Variants in DPP6 observed in about 807,000 individuals in gnomAD.
DPP6 encodes A-type potassium channel modulatory protein DPP6.
DPP6 carries 69 observed loss-of-function variants against 122.6 expected under a neutral mutation model. The observed-to-expected ratio is 0.56, with a 90% CI of 0.46 to 0.69. The LOEUF (loss-of-function observed/expected upper bound fraction) is 0.69. DPP6 is among the 30% of genes least tolerant of loss of function. The pLI is 0.00. For synonymous variants in DPP6, 418 were observed against 433.1 expected (o/e 0.97, Z 0.43); for missense variants, 928 against 1,116.9 (o/e 0.83, Z 2.41).
At chr7:153,782,011 C>CACACACACA in the DPP6 span, among the ~76,000 whole-genome samples, 2 of 129,556 alleles carry the variant, frequency 1.5e-5, no homozygotes, top group Non-Finnish European at 1.7e-5. Context: ...CACACACACG[C>CACACACACA]CTGACATTTA....
the DPP6 span, among the ~76,000 whole-genome samples, chr7:153,827,911 G>A: frequency 2.0e-5 from 3 of 152,304 alleles, no homozygotes; most frequent in South Asian, 2.1e-4. Flanking sequence ...CTCCACTGGG[G>A]GTTGTCCAAG....
chr7:154,299,839 T>C (rs1219116099), intron 1 of DPP6, among the ~76,000 whole-genome samples: 4 of 152,204 alleles, frequency 2.6e-5, no homozygotes, highest in African/African-American at 9.6e-5. Context: ...GATTGTCTAC[T>C]TAGGGCAAGG....
intron 8 of DPP6, among the ~76,000 whole-genome samples, chr7:154,764,430 G>T (rs1795777369): frequency 6.6e-6 from 1 of 152,148 alleles, no homozygotes; most frequent in African/African-American, 2.4e-5. Context: ...CGGAAGACAG[G>T]TGTCACTCAT....
chr7:154,527,996 A>C (rs1242739016), intron 3 of DPP6, among the ~76,000 whole-genome samples: 2 of 152,160 alleles, frequency 1.3e-5, no homozygotes, highest in Non-Finnish European at 2.9e-5. Flanking sequence ...GTTTGAAAAA[A>C]AAAACAAAAA....
chr7:154,438,304 A>G (rs1456402381), intron 1 of DPP6, among the ~76,000 whole-genome samples: 4 of 146,548 alleles, frequency 2.7e-5, no homozygotes, highest in Admixed American at 1.4e-4. Context: ...CGTCTCGACT[A>G]AAAAAATACA....
At chr7:154,391,935 G>A (rs958447260) in intron 1 of DPP6, among the ~76,000 whole-genome samples, 13 of 152,172 alleles carry the variant, frequency 8.5e-5, no homozygotes, top group African/African-American at 3.1e-4. Context: ...CCAGAAGAAA[G>A]AAGAGAGGTT....
intron 2 of DPP6, among the ~76,000 whole-genome samples, chr7:154,447,498 TA>T (rs759030144): frequency 3.5e-4 from 54 of 152,182 alleles, no homozygotes; most frequent in Non-Finnish European, 7.2e-4. Context: ...TATTATAATA[TA>T]AAACCTTTTT....
chr7:154,608,319 T>TGATATATATATATATATATATA (rs1563922092), intron 5 of DPP6, among the ~76,000 whole-genome samples: 1 of 81,298 alleles, frequency 1.2e-5, no homozygotes. Context: ...TTAGGAGTGA[T>TGATATATATATATATATATATA]CATATATATA....
Position 154,807,076 on chromosome 7 carries a change from A to G in DPP6, c.1630A>G (p.Ser544Gly). Residue 544 changes from serine (S) to glycine (G), a missense_variant, in exon 16 of 26, where the codon AGC (serine) becomes GGC (glycine). By Grantham distance (56) the Ser-to-Gly change is moderately conservative. Coordinates refer to ENST00000377770, the MANE Select transcript of DPP6 (RefSeq NM_130797.4). ...CTGCACCTACTTCAGCGCTTCCTTC[A>G]GCCATAGCATGGACTTCTTCCTGCT... ...ENCTYFSASF[S>G]HSMDFFLLKC... The G allele has an allele frequency of 6.2e-7, 1 of 1,613,680 alleles. No individual in the cohort carries two copies. Among genetic ancestry groups the G allele is most frequent in the Non-Finnish European group, 8.5e-7 (1 of 1,179,832 alleles).
At chr7:153,837,260 T>G in the DPP6 span, among the ~76,000 whole-genome samples, 15,010 of 133,312 alleles carry the variant, frequency 0.11, 998 homozygotes, top group South Asian at 0.24. Context: ...TAAAAATGTG[T>G]TTTTTTTTGT....
intron 1 of DPP6, among the ~76,000 whole-genome samples, chr7:153,937,604 T>G (rs1226460669): frequency 6.6e-6 from 1 of 151,974 alleles, no homozygotes; most frequent in Non-Finnish European, 1.5e-5. Context: ...CCCGCCACCA[T>G]GCCTAACTAA....
At chr7:154,204,751 A>G (rs1404271822) in intron 1 of DPP6, among the ~76,000 whole-genome samples, 1 of 151,532 alleles carries the variant, frequency 6.6e-6, no homozygotes, top group Non-Finnish European at 1.5e-5. Context: ...AGCAGCAATA[A>G]CCTAGGACTG....
intron 1 of DPP6, among the ~76,000 whole-genome samples, chr7:154,006,124 G>T (rs930224500): frequency 2.0e-5 from 3 of 152,160 alleles, no homozygotes; most frequent in Non-Finnish European, 2.9e-5. Flanking sequence ...GTGCTGACAG[G>T]TACAGTTATG....
At chr7:154,876,211 A>G (rs1337626501) in intron 20 of DPP6, 111 bp downstream of exon 20, 8 of 1,371,348 alleles carry the variant, frequency 5.8e-6, no homozygotes, top group Non-Finnish European at 7.5e-6. Flanking sequence ...CACATTTTTC[A>G]TGCAATTTGC....
chr7:154,581,727 A>G (rs1832081428), intron 5 of DPP6, among the ~76,000 whole-genome samples: 2 of 152,270 alleles, frequency 1.3e-5, no homozygotes, highest in Admixed American at 1.3e-4. Flanking sequence ...CTGCAGGTGC[A>G]GGGACTTCTG....
At chr7:154,045,729 A>G (rs1455436352) in intron 1 of DPP6, among the ~76,000 whole-genome samples, 3 of 152,236 alleles carry the variant, frequency 2.0e-5, no homozygotes, top group Admixed American at 1.3e-4. Context: ...CAAGAAATTG[A>G]GAAAACGGCA....
Position 154,282,586 on chromosome 7 carries a change from C to G in DPP6, c.244-163628C>G, listed in dbSNP as rs1804593283. Among the ~76,000 whole-genome samples, 1 of 152,172 alleles carries G rather than the reference C, an allele frequency of 6.6e-6. No homozygotes were observed. Among genetic ancestry groups the G allele is most frequent in the Admixed American group, 6.5e-5 (1 of 15,278 alleles). ...GGGGATGGGATGCAGCCCAGGGCCT[C>G]CCTGCCCATGGCATTTTCTCAGGAG... is the stretch of plus-strand genomic sequence containing the variant. On this transcript the variant is annotated intron_variant, in intron 1 of 25. Coordinates refer to ENST00000377770, the MANE Select transcript of DPP6 (RefSeq NM_130797.4). This position sits in a 1 kb window ranked among gnomAD's most constrained non-coding sequence, Gnocchi z 4.8.
intron 3 of DPP6, among the ~76,000 whole-genome samples, chr7:154,527,762 G>A (rs1265069081): frequency 6.6e-6 from 1 of 152,022 alleles, no homozygotes; most frequent in Non-Finnish European, 1.5e-5. Context: ...AATGAGATTT[G>A]TTAGCTCAAT....
chr7:154,205,769 T>TAA (rs35151924), intron 1 of DPP6, among the ~76,000 whole-genome samples: 4 of 150,292 alleles, frequency 2.7e-5, no homozygotes, highest in African/African-American at 9.8e-5. Context: ...CTAGAATTGT[T>TAA]AAAAAAAAAA....
Sources: gnomAD v4.1 joint callset for allele counts (sites outside exome capture counted in the v4.1 genomes callset) on GRCh38, gnomAD v4.1.1 for gene constraint, Gnocchi (gnomAD v3.1) non-coding constraint, MANE v1.5 for transcripts, NCBI Gene and HGNC (gene_info 2026-07-23, HGNC 2026-07-21) for gene names.